CACNA1E: variants seen among roughly 807,000 people sequenced by gnomAD.
The protein encoded by CACNA1E is calcium voltage-gated channel subunit alpha1 E.
In CACNA1E, 40 loss-of-function variants were observed where a neutral mutation model predicts 259.2. The observed-to-expected ratio is 0.15, with a 90% CI of 0.12 to 0.20. The LOEUF (loss-of-function observed/expected upper bound fraction) is 0.20. Ranked by LOEUF, CACNA1E falls within the 10% of genes least tolerant of loss-of-function variation. The pLI, the probability that CACNA1E is intolerant of heterozygous loss-of-function variation, is 1.00. For synonymous variants in CACNA1E, 1,104 were observed against 1,138.5 expected, an observed-to-expected ratio of 0.97 and a Z score of 0.61; for missense variants, 1,874 against 3,040.1, an observed-to-expected ratio of 0.62 and a Z score of 9.02.
chr1:181,784,465 C>T (rs529398254), intron 40 of CACNA1E, among the ~76,000 whole-genome samples, 196 bp from the exon 41 acceptor site: 8 of 152,170 alleles, frequency 5.3e-5, no homozygotes, highest in Non-Finnish European at 1.2e-4. Flanking sequence ...CCCTGAGTCA[C>T]TGAAAAAGGG....
chr1:181,612,767 C>A (rs551135725), intron 6 of CACNA1E, among the ~76,000 whole-genome samples: 2 of 152,224 alleles, frequency 1.3e-5, no homozygotes, highest in Non-Finnish European at 1.5e-5. Context: ...CAAGATACCC[C>A]CTCCTTCAGT....
At chr1:181,593,271 G>A (rs191543396) in intron 6 of CACNA1E, among the ~76,000 whole-genome samples, 1 of 152,282 alleles carries the variant, frequency 6.6e-6, no homozygotes, top group Non-Finnish European at 1.5e-5. Context: ...CAGAGTGGGT[G>A]TCTGGTTGCT....
At chr1:181,657,280 G>A (rs952305771) in intron 7 of CACNA1E, among the ~76,000 whole-genome samples, 1 of 152,112 alleles carries the variant, frequency 6.6e-6, no homozygotes, top group South Asian at 2.1e-4. Context: ...ATATGAGGAG[G>A]GGAAAGGGAG....
intron 6 of CACNA1E, among the ~76,000 whole-genome samples, chr1:181,588,098 ACT>A (rs1652271637): frequency 1.3e-5 from 2 of 151,880 alleles, no homozygotes; most frequent in African/African-American, 4.8e-5. Flanking sequence ...GTAAGCTGTG[ACT>A]CTGGGCGCCG....
intron 25 of CACNA1E, among the ~76,000 whole-genome samples, chr1:181,740,222 A>T (rs1198321352): frequency 1.3e-5 from 2 of 152,184 alleles, no homozygotes; most frequent in Admixed American, 6.5e-5. Context: ...CTGTGTAGTG[A>T]GGCAGGAGAG....
chr1:181,775,098 A>G (rs940388915), intron 37 of CACNA1E, among the ~76,000 whole-genome samples: 10 of 152,250 alleles, frequency 6.6e-5, no homozygotes, highest in African/African-American at 2.4e-4. Context: ...TAGACCGCAC[A>G]TTTTCACACA....
chr1:181,513,543 A>G (rs938776920), intron 3 of CACNA1E, among the ~76,000 whole-genome samples: 1 of 152,190 alleles, frequency 6.6e-6, no homozygotes, highest in African/African-American at 2.4e-5. Flanking sequence ...GAGACATTTT[A>G]CAAGGTTGAA....
intron 2 of CACNA1E, among the ~76,000 whole-genome samples, chr1:181,454,415 A>G (rs1375235172): frequency 1.3e-5 from 2 of 152,206 alleles, no homozygotes; most frequent in Non-Finnish European, 2.9e-5. Context: ...ATAATCTACA[A>G]TAGGTGTATT....
intron 3 of CACNA1E, among the ~76,000 whole-genome samples, chr1:181,568,824 T>C (rs1650112082): frequency 6.6e-6 from 1 of 152,158 alleles, no homozygotes; most frequent in Non-Finnish European, 1.5e-5. Flanking sequence ...ACGCTGGCCT[T>C]GAAGTCCTGG....
chr1:181,774,086 G>A lies in CACNA1E; in HGVS notation c.5139+1855G>A, dbSNP rs189361774. ...TAAGAACAAAAAATGTGAATCCAAA[G>A]CAATTCTGTCCTTGAAGGGTGATGG... is the stretch of plus-strand genomic sequence containing the variant. On this transcript the variant is annotated intron_variant, in intron 37 of 47. Coordinates refer to ENST00000367573, the MANE Select transcript of CACNA1E (RefSeq NM_001205293.3). Among the ~76,000 whole-genome samples, 260 of 152,296 alleles carry A rather than the reference G, an allele frequency of 1.7e-3. 1 individual carries two copies. Among genetic ancestry groups the A allele is most frequent in the African/African-American group, 6.0e-3 (248 of 41,578 alleles).
At chr1:181,677,416 A>G (rs1649488192) in intron 7 of CACNA1E, among the ~76,000 whole-genome samples, 1 of 152,226 alleles carries the variant, frequency 6.6e-6, no homozygotes, top group Non-Finnish European at 1.5e-5. Flanking sequence ...ATTTTAAATG[A>G]TACAATACAA....
intron 7 of CACNA1E, among the ~76,000 whole-genome samples, chr1:181,678,694 G>A (rs998007498): frequency 3.3e-5 from 5 of 152,150 alleles, no homozygotes; most frequent in African/African-American, 9.7e-5. Flanking sequence ...TTTGGATTAC[G>A]GGGCTCAAAT....
intron 6 of CACNA1E, among the ~76,000 whole-genome samples, chr1:181,614,830 T>G (rs1655063914): frequency 1.3e-5 from 2 of 152,238 alleles, no homozygotes; most frequent in African/African-American, 4.8e-5. Flanking sequence ...TACCTAACTT[T>G]GATATTTCTA....
chr1:181,393,851 ATGTT>A (rs1379084774), intron 1 of CACNA1E, among the ~76,000 whole-genome samples: 1 of 152,192 alleles, frequency 6.6e-6, no homozygotes, highest in Non-Finnish European at 1.5e-5. Context: ...CTTGGAAAAA[ATGTT>A]TGTAACTTTC....
intron 1 of CACNA1E, among the ~76,000 whole-genome samples, chr1:181,396,218 G>C (rs1285571752): frequency 6.6e-6 from 1 of 152,220 alleles, no homozygotes; most frequent in Non-Finnish European, 1.5e-5. Flanking sequence ...GAGCACCCCA[G>C]ACGGAAGCCA....
chr1:181,564,674 T>G (rs1295681703), intron 3 of CACNA1E, among the ~76,000 whole-genome samples: 2 of 152,228 alleles, frequency 1.3e-5, no homozygotes, highest in Admixed American at 1.3e-4. Context: ...CAATTGACTG[T>G]GACCAGATCC....
At chr1:181,402,566 G>A (rs112136842) in intron 1 of CACNA1E, among the ~76,000 whole-genome samples, 16 of 152,304 alleles carry the variant, frequency 1.1e-4, no homozygotes, top group African/African-American at 2.9e-4. Context: ...CCAAGCCAGA[G>A]CGTACTCCGT....
intron 7 of CACNA1E, among the ~76,000 whole-genome samples, chr1:181,692,900 C>T (rs1651314554): frequency 6.6e-6 from 1 of 151,700 alleles, no homozygotes; most frequent in Non-Finnish European, 1.5e-5. Flanking sequence ...ACTATGCATC[C>T]AACAAAGGTC....
At chr1:181,336,396 T>G (rs1651710165) in intron 1 of CACNA1E, among the ~76,000 whole-genome samples, 1 of 152,368 alleles carries the variant, frequency 6.6e-6, no homozygotes, top group African/African-American at 2.4e-5. Flanking sequence ...ATTACTGTTT[T>G]GTGGATGATG....
Sources: gnomAD v4.1 joint callset for allele counts (sites outside exome capture counted in the v4.1 genomes callset) on GRCh38, gnomAD v4.1.1 for gene constraint, MANE v1.5 for transcripts, NCBI Gene and HGNC (gene_info 2026-07-23, HGNC 2026-07-21) for gene names.